CAPN7: variants seen among roughly 807,000 people sequenced by gnomAD.
CAPN7 encodes the protein calpain 7.
In CAPN7, 72 loss-of-function variants were observed where a neutral mutation model predicts 115.2. That is an observed-to-expected ratio of 0.63 (90% confidence interval 0.52 to 0.76). CAPN7 has a LOEUF of 0.76. CAPN7 is among the 30% of genes least tolerant of loss of function. The probability of loss-of-function intolerance (pLI) is 0.00; values close to 1 mark genes in which losing one functional copy is unlikely to be tolerated. For synonymous variants in CAPN7, 344 were observed against 322.3 expected, an observed-to-expected ratio of 1.07 and a Z score of -0.72; for missense variants, 905 against 971.5, an observed-to-expected ratio of 0.93 and a Z score of 0.91.
intron 4 of CAPN7, among the ~76,000 whole-genome samples, chr3:15,219,742 GTTAAGAACTTCTA>G (rs1693853376): frequency 1.3e-5 from 2 of 152,166 alleles, no homozygotes; most frequent in Admixed American, 6.5e-5. Flanking sequence ...TGCACCTCAG[GTTAAGAACTTCTA>G]TTTTTTAGCT....
chr3:15,241,124 A>C (rs1426570651), intron 14 of CAPN7, among the ~76,000 whole-genome samples: 1 of 152,166 alleles, frequency 6.6e-6, no homozygotes, highest in East Asian at 1.9e-4. Flanking sequence ...CAGATCGCTC[A>C]AGCCTGGGAG....
At position 15,209,837 on chromosome 3, in the gene CAPN7, C is replaced by T. The variant is rs567070405; in HGVS notation, c.103-2267C>T. The stretch of plus-strand genomic sequence containing the variant: ...GAAGAATTTTTTATCTTTGAGAAAG[C>T]CAAAAAAAGTGGTTGTACTTCTAGA... On this transcript the variant is annotated intron_variant, in intron 1 of 20. Coordinates refer to ENST00000253693, the MANE Select transcript of CAPN7 (RefSeq NM_014296.3). Among the ~76,000 whole-genome samples, 2 of 151,974 alleles carry T rather than the reference C, an allele frequency of 1.3e-5. 1 individual carries two copies. Among genetic ancestry groups the T allele is most frequent in the Non-Finnish European group, 2.9e-5 (2 of 67,974 alleles).
chr3:15,235,217 C>T, intron 12 of CAPN7, 72 bp downstream of exon 12: 1 of 1,369,416 alleles, frequency 7.3e-7, no homozygotes, highest in Non-Finnish European at 1.0e-6. Flanking sequence ...GATAATTTAT[C>T]AGACTTCTGA....
intron 1 of CAPN7, among the ~76,000 whole-genome samples, chr3:15,211,740 C>A (rs986482442): frequency 1.3e-5 from 2 of 151,982 alleles, no homozygotes; most frequent in African/African-American, 4.8e-5. Flanking sequence ...ACTAAAAATA[C>A]AAAAATTAAC....
At chr3:15,249,267 T>C (rs945135283) in intron 19 of CAPN7, among the ~76,000 whole-genome samples, 1 of 152,196 alleles carries the variant, frequency 6.6e-6, no homozygotes, top group Non-Finnish European at 1.5e-5. Context: ...CATGTAATAA[T>C]GTTCATTACA....
At chr3:15,229,922 C>A (rs1694585122) in intron 8 of CAPN7, among the ~76,000 whole-genome samples, 1 of 152,028 alleles carries the variant, frequency 6.6e-6, no homozygotes, top group African/African-American at 2.4e-5. Flanking sequence ...TGTGTTAAGT[C>A]CTAAGAGTAT....
At position 15,206,453 on chromosome 3, in the gene CAPN7, C is replaced by A. The variant is rs1192705351; in HGVS notation, c.-43C>A. On this transcript the variant is annotated 5_prime_UTR_variant, in exon 1 of 21. Coordinates refer to ENST00000253693, the MANE Select transcript of CAPN7 (RefSeq NM_014296.3). ...CCGCAGTCCGCGAAGAGCCGTCCTG[C>A]GTCAGGGCCTCCTTCCCTGCCCCGG... 3.3e-5 allele frequency: 47 copies of A among 1,433,164 alleles called. 1 individual carries two copies. The Admixed American group carries it at 8.8e-4, about 27-fold the overall frequency. 88.8% of individuals were successfully genotyped at this position (1,433,164 alleles called of 1,614,324 possible). A position where few individuals can be genotyped will look rare whatever the true frequency, so the allele number is the denominator to read the frequency against.
chr3:15,217,435 G>T lies in CAPN7; in HGVS notation c.222G>T (p.Lys74Asn). ...TTTTTTCTATCCTAGTTCAGTCAAA[G>T]AGTGCTGATCCTTTGAAGTCAAAAC... is the stretch of plus-strand genomic sequence containing the variant. ...VQALHSAVQS[K>N]SADPLKSKHQ... Residue 74 changes from lysine (K) to asparagine (N), a missense_variant, in exon 3 of 21, where the codon AAG (lysine) becomes AAT (asparagine). Transcript: ENST00000253693. 3 of 1,610,512 alleles carry T rather than the reference G, an allele frequency of 1.9e-6. No homozygotes were observed. The highest frequency in any genetic ancestry group is 2.5e-6 in the Non-Finnish European group (3 of 1,178,562).
At chr3:15,237,487 A>G (rs1168159495) in intron 12 of CAPN7, among the ~76,000 whole-genome samples, 3 of 152,212 alleles carry the variant, frequency 2.0e-5, no homozygotes, top group African/African-American at 4.8e-5. Flanking sequence ...TTTAAAATTT[A>G]TAGTCTTGGA....
chr3:15,245,613 C>T lies in CAPN7; in HGVS notation c.1952C>T (p.Thr651Ile). The T allele has an allele frequency of 6.2e-7, 1 of 1,613,960 alleles. No individual in the cohort carries two copies. Among genetic ancestry groups the T allele is most frequent in the Non-Finnish European group, 8.5e-7 (1 of 1,179,920 alleles). Residue 651 changes from threonine (T) to isoleucine (I), a missense_variant, in exon 17 of 21, where the codon ACC becomes ATC. Coordinates refer to ENST00000253693, the MANE Select transcript of CAPN7 (RefSeq NM_014296.3). ...AAGCTGACCACACCTGGCACCCATA[C>T]CTTTACATTAGTGGTTTCTCAATAT... ...KIKLTTPGTH[T>I]FTLVVSQYEK...
At chr3:15,226,754 G>C (rs1026868160) in intron 6 of CAPN7, among the ~76,000 whole-genome samples, 2 of 151,998 alleles carry the variant, frequency 1.3e-5, no homozygotes, top group African/African-American at 4.8e-5. Context: ...TTAAAGTCTA[G>C]AGGTGTCCTT....
chr3:15,206,423 G>C lies in CAPN7; in HGVS notation c.-73G>C. 1.7e-6 allele frequency: 2 copies of C among 1,189,790 alleles called. No individual in the cohort carries two copies. Among genetic ancestry groups the C allele is most frequent in the Non-Finnish European group, 2.4e-6 (2 of 840,734 alleles). The allele number at this position is 1,189,790 out of a possible 1,614,324, so 73.7% of individuals were successfully genotyped here. ...CGCTCCCGAGTCCTCGCCGCCGCCG[G>C]GCCGCCGCAGTCCGCGAAGAGCCGT... On this transcript the variant is annotated 5_prime_UTR_variant, in exon 1 of 21. Coordinates refer to ENST00000253693, the MANE Select transcript of CAPN7 (RefSeq NM_014296.3).
intron 14 of CAPN7, 124 bp downstream of exon 14, chr3:15,240,977 G>A (rs1010874858): frequency 5.0e-6 from 3 of 595,190 alleles, no homozygotes; most frequent in Admixed American, 3.1e-5. Context: ...GGCCGAGGTG[G>A]GTGGATCAGT....
intron 3 of CAPN7, 137 bp from the exon 4 acceptor site, chr3:15,218,336 A>G: frequency 3.1e-6 from 2 of 643,794 alleles, no homozygotes; most frequent in Non-Finnish European, 5.4e-6. Context: ...TTTAAGGATG[A>G]GAATTAATGT....
intron 11 of CAPN7, among the ~76,000 whole-genome samples, chr3:15,234,808 T>G (rs1427833318): frequency 6.6e-6 from 1 of 152,010 alleles, no homozygotes; most frequent in Non-Finnish European, 1.5e-5. Context: ...TTTGGTAGGT[T>G]TCTGGTTTAG....
intron 6 of CAPN7, among the ~76,000 whole-genome samples, chr3:15,226,951 TAGAAAG>T: frequency 6.6e-6 from 1 of 152,094 alleles, no homozygotes; most frequent in Non-Finnish European, 1.5e-5. Context: ...GCTTCTGCTC[TAGAAAG>T]GGTTTGGGGA....
chr3:15,222,486 C>A (rs1374211859), intron 5 of CAPN7, among the ~76,000 whole-genome samples: 2 of 152,176 alleles, frequency 1.3e-5, no homozygotes, highest in Non-Finnish European at 2.9e-5. Context: ...GGGCTTCTGC[C>A]TAGGTAGCAG....
chr3:15,227,784 T>C (rs1047589005), intron 6 of CAPN7, 55 bp from the exon 7 acceptor site: 11 of 1,166,610 alleles, frequency 9.4e-6, no homozygotes, highest in Admixed American at 3.6e-5. Context: ...TAATTTTGGC[T>C]TTGAGTCATC....
intron 14 of CAPN7, 71 bp downstream of exon 14, chr3:15,240,924 G>A: frequency 1.0e-6 from 1 of 984,432 alleles, no homozygotes; most frequent in Admixed American, 1.9e-5. Context: ...ACATAATGGT[G>A]CCAGGCGCAG....
Sources: allele counts gnomAD v4.1 joint callset (sites outside exome capture counted in the v4.1 genomes callset), GRCh38; gene constraint gnomAD v4.1.1; transcripts MANE v1.5; gene names NCBI Gene and HGNC (gene_info 2026-07-23, HGNC 2026-07-21).